ASB2: variants seen among roughly 807,000 people sequenced by gnomAD.
ASB2 encodes ankyrin repeat and SOCS box containing 2.
In ASB2, 58 loss-of-function variants were observed where a neutral mutation model predicts 62.4. That is an observed-to-expected ratio of 0.93 (90% CI 0.75 to 1.16). ASB2 has a LOEUF of 1.16. Ranked by LOEUF, ASB2 falls within the 50% of genes most tolerant of loss-of-function variation. The pLI is 0.00. For missense variants in ASB2, 928 were observed against 887.9 expected, an observed-to-expected ratio of 1.05 and a Z score of -0.57; for synonymous variants, 386 against 385.3, an observed-to-expected ratio of 1.00 and a Z score of -0.02.
chr14:93,972,945 A>G (rs1403815843), intron 1 of ASB2, among the ~76,000 whole-genome samples: 1 of 152,080 alleles, frequency 6.6e-6, no homozygotes, highest in African/African-American at 2.4e-5. Context: ...ACCCCCAGCC[A>G]CCACCACCAC....
In ASB2 at chr14:93,934,683, T is replaced by C. The variant is rs1298604925; in HGVS notation, c.1881A>G (p.Arg627=). ...DTLPLPGRLI[R]YLKYENTQ ...ACTGGGTGTTCTCGTATTTCAGGTA[T>C]CTAATCAGCCTGCCTGGGAGCGGCA... The change falls in exon 10 of 10, where the codon AGA becomes AGG. Residue 627 remains arginine (R), a synonymous_variant. Coordinates refer to ENST00000555019, the MANE Select transcript of ASB2 (RefSeq NM_001202429.2). The C allele has an allele frequency of 1.2e-6, 2 of 1,614,184 alleles. No homozygotes were observed. The highest frequency in any genetic ancestry group is 2.2e-5 in the East Asian group (1 of 44,880).
At chr14:93,936,018 AG>A (rs1888260319) in intron 9 of ASB2, among the ~76,000 whole-genome samples, 1 of 152,234 alleles carries the variant, frequency 6.6e-6, no homozygotes, top group African/African-American at 2.4e-5. Flanking sequence ...GAGGCCAGTT[AG>A]GACACTTTTT....
intron 1 of ASB2, among the ~76,000 whole-genome samples, chr14:93,969,492 G>A (rs1889695373): frequency 6.6e-6 from 1 of 152,306 alleles, no homozygotes; most frequent in South Asian, 2.1e-4. Flanking sequence ...GCCCCTCTTT[G>A]GACCTCAGTT....
intron 5 of ASB2, 130 bp downstream of exon 5, chr14:93,953,222 G>A: frequency 1.3e-6 from 1 of 775,660 alleles, no homozygotes; most frequent in Non-Finnish European, 2.0e-6. Flanking sequence ...GAATGATTCA[G>A]TTACATAAAT....
intron 6 of ASB2, among the ~76,000 whole-genome samples, chr14:93,948,665 G>C (rs989977533): frequency 2.6e-5 from 4 of 151,286 alleles, no homozygotes; most frequent in Admixed American, 6.5e-5. Flanking sequence ...AGGTGCAATG[G>C]CTCACACTTG....
At chr14:93,941,453 GTAT>G (rs1888517180) in intron 7 of ASB2, 4 of 351,346 alleles carry the variant, frequency 1.1e-5, no homozygotes, top group Middle Eastern at 4.7e-4. Flanking sequence ...TCAGTGGAAA[GTAT>G]TATGATTGTT....
chr14:93,943,720 A>G (rs1199525413), intron 7 of ASB2, among the ~76,000 whole-genome samples: 6 of 152,166 alleles, frequency 3.9e-5, no homozygotes, highest in African/African-American at 1.4e-4. Context: ...TCCATTGCCA[A>G]CACTTCTGAG....
intron 1 of ASB2, among the ~76,000 whole-genome samples, chr14:93,973,332 G>A (rs979787891): frequency 3.9e-5 from 6 of 152,188 alleles, no homozygotes; most frequent in Admixed American, 2.0e-4. Flanking sequence ...AGACCCTAAC[G>A]AAAAGTCTTG....
chr14:93,951,018 C>T lies in ASB2; in HGVS notation c.861G>A (p.Leu287=). ...VAAQSGQLEA[L]RFLAKYGADI... is the part of the protein sequence containing the mutation. ...ACTCACCGTACTTGGCTAAGAACCT[C>T]AAGGCCTCCAACTGTCCACTCTGGG... The change falls in exon 6 of 10, where the codon TTG becomes TTA. Residue 287 remains leucine, a synonymous_variant. Transcript: ENST00000555019. The T allele has an allele frequency of 6.2e-6, 10 of 1,613,862 alleles. No individual in the cohort carries two copies. The highest frequency in any genetic ancestry group is 8.5e-6 in the Non-Finnish European group (10 of 1,179,920).
At chr14:93,959,910 C>A (rs1000030441) in intron 2 of ASB2, among the ~76,000 whole-genome samples, 1 of 151,606 alleles carries the variant, frequency 6.6e-6, no homozygotes, top group East Asian at 1.9e-4. Flanking sequence ...AGGGAGCTAA[C>A]AAAATCGATT....
Position 93,964,341 on chromosome 14 carries a change from A to G in ASB2, c.199T>C (p.Trp67Arg). 3.3e-6 allele frequency: 5 copies of G among 1,536,166 alleles called. No homozygotes were observed. The highest frequency in any genetic ancestry group is 1.2e-5 in the South Asian group (1 of 84,056). Residue 67 changes from tryptophan (W) to arginine (R), a missense_variant, in exon 2 of 10, where the codon TGG (tryptophan) becomes CGG (arginine). By Grantham distance (101) the Trp-to-Arg change is moderately radical (BLOSUM62 -3). Coordinates refer to ENST00000555019, the MANE Select transcript of ASB2 (RefSeq NM_001202429.2). Reference protein sequence around the residue: ...TNRQPAHFYPWTRSTAPPESS... With the variant: ...TNRQPAHFYPRTRSTAPPESS... Reference sequence around the variant, plus strand: ...CAGCCTCGCCTTGCTCACCTGGTCCATGGGTAGAAATGGGCAGGTTGGCGG... The same window carrying G: ...CAGCCTCGCCTTGCTCACCTGGTCCGTGGGTAGAAATGGGCAGGTTGGCGG...
intron 6 of ASB2, 129 bp from the exon 7 acceptor site, chr14:93,947,649 T>C (rs1888783401): frequency 1.1e-6 from 1 of 884,588 alleles, no homozygotes; most frequent in Non-Finnish European, 1.7e-6. Context: ...CAACGACCCT[T>C]AGGAAGGAGG....
chr14:93,938,666 C>T (rs1451670866), intron 8 of ASB2, among the ~76,000 whole-genome samples: 1 of 152,156 alleles, frequency 6.6e-6, no homozygotes, highest in African/African-American at 2.4e-5. Context: ...TGTTTCACAT[C>T]GCATTCCAGG....
rs376345336 is a variant in ASB2, at chr14:93,956,713, C to A, written c.311+53G>T. ...CCTGCTTCCCACCCTCCCTGCCATC[C>A]CAGTTAGCGGAGTGAACTTGGATGG... On this transcript the variant is annotated intron_variant, in intron 3 of 9. Coordinates refer to ENST00000555019, the MANE Select transcript of ASB2 (RefSeq NM_001202429.2). The A allele has an allele frequency of 5.0e-5, 80 of 1,608,370 alleles. No individual in the cohort carries two copies. In the African/African-American group the frequency reaches 8.9e-4, roughly 18 times the overall value.
At chr14:93,957,382 G>C in intron 2 of ASB2, 1 of 1,018,182 alleles carries the variant, frequency 9.8e-7, no homozygotes, top group Non-Finnish European at 1.2e-6. Context: ...CTCATTAGGG[G>C]ATCTTGTCCC....
chr14:93,945,490 G>A (rs115205188), intron 7 of ASB2, among the ~76,000 whole-genome samples: 4,646 of 152,250 alleles, frequency 0.031, 119 homozygotes, highest in African/African-American at 0.061. Flanking sequence ...TTCTATATCC[G>A]TACGTATCCA....
At chr14:93,957,209 T>TA in intron 2 of ASB2, 1 of 1,274,852 alleles carries the variant, frequency 7.8e-7, no homozygotes, top group African/African-American at 1.5e-5. Context: ...CCCAGGAGGA[T>TA]GTGAGCCGTG....
Position 93,934,252 on chromosome 14 carries a change from T to C in ASB2, c.*404A>G, listed in dbSNP as rs1888191450. ...CTACCCCCTACCTTGGGCCACGTCT[T>C]CATCTTAGTCTTTGGAGAGAAAGCT... is the stretch of plus-strand genomic sequence containing the variant. On this transcript the variant is annotated 3_prime_UTR_variant, in exon 10 of 10. Coordinates refer to ENST00000555019, the MANE Select transcript of ASB2 (RefSeq NM_001202429.2). 1 of 457,320 alleles carries C rather than the reference T, an allele frequency of 2.2e-6. No homozygotes were observed. The highest frequency in any genetic ancestry group is 4.4e-6 in the Non-Finnish European group (1 of 228,810). The allele number at this position is 457,320 out of a possible 1,614,324, so 28.3% of individuals were successfully genotyped here.
chr14:93,950,589 G>A (rs1567024384), intron 6 of ASB2, among the ~76,000 whole-genome samples: 1 of 152,170 alleles, frequency 6.6e-6, no homozygotes, highest in Non-Finnish European at 1.5e-5. Flanking sequence ...GTGTGATGTG[G>A]TGGAAAGAGA....
Sources: allele counts gnomAD v4.1 joint callset (sites outside exome capture counted in the v4.1 genomes callset), GRCh38; gene constraint gnomAD v4.1.1; transcripts MANE v1.5; gene names NCBI Gene and HGNC (gene_info 2026-07-23, HGNC 2026-07-21).